ANKRD17: variants seen among roughly 807,000 people sequenced by gnomAD.
The protein encoded by ANKRD17 is ankyrin repeat domain 17.
A neutral mutation model predicts 229.7 loss-of-function variants in ANKRD17; 19 were observed. That is an observed-to-expected ratio of 0.08 (90% CI 0.06 to 0.12). The LOEUF is 0.12. Among genes scored for constraint, ANKRD17 ranks in the 10% least tolerant of loss-of-function variants. The probability of loss-of-function intolerance (pLI) is 1.00; values close to 1 mark genes in which losing one functional copy is unlikely to be tolerated. For synonymous variants in ANKRD17, 1,112 were observed against 1,146.1 expected (o/e 0.97, Z 0.60); for missense variants, 2,176 against 3,176.8 (o/e 0.68, Z 7.57).
chr4:73,202,218 A>G (rs1466827600), intron 1 of ANKRD17, among the ~76,000 whole-genome samples: 2 of 150,976 alleles, frequency 1.3e-5, no homozygotes, highest in Non-Finnish European at 3.0e-5. Context: ...GGCATAAAAG[A>G]GTATGACCCA....
intron 24 of ANKRD17, chr4:73,113,033 C>A: frequency 9.6e-7 from 1 of 1,042,976 alleles, no homozygotes; most frequent in Non-Finnish European, 1.2e-6. Flanking sequence ...GGTGATGTGC[C>A]CGCCTCGGCC....
At chr4:73,172,551 A>T (rs1734180907) in intron 2 of ANKRD17, among the ~76,000 whole-genome samples, 1 of 152,248 alleles carries the variant, frequency 6.6e-6, no homozygotes, top group South Asian at 2.1e-4. Context: ...CGCTTACCTT[A>T]AGTAGAAGCA....
At position 73,075,681 on chromosome 4, in the gene ANKRD17, A is replaced by G. The variant is rs1720950855; in HGVS notation, c.*550T>C. Reference sequence around the variant, plus strand: ...CTTTATACTTAAATTACACCAGTAGAAAAGTTATGCTTATTAATAGTTTAA... The same window carrying G: ...CTTTATACTTAAATTACACCAGTAGGAAAGTTATGCTTATTAATAGTTTAA... On this transcript the variant is annotated 3_prime_UTR_variant, in exon 34 of 34. Coordinates refer to ENST00000358602, the MANE Select transcript of ANKRD17 (RefSeq NM_032217.5). The G allele has an allele frequency of 6.6e-6, 1 of 152,662 alleles. No individual in the cohort carries two copies. Among genetic ancestry groups the G allele is most frequent in the South Asian group, 2.1e-4 (1 of 4,834 alleles). 9.5% of individuals were successfully genotyped at this position (152,662 alleles called of 1,614,324 possible).
At chr4:73,200,071 G>A (rs760092955) in intron 1 of ANKRD17, among the ~76,000 whole-genome samples, 3 of 152,068 alleles carry the variant, frequency 2.0e-5, no homozygotes, top group South Asian at 2.1e-4. Flanking sequence ...AATTATACAG[G>A]AGGAAACATT....
At chr4:73,078,513 G>A (rs1417699753) in intron 31 of ANKRD17, 129 bp downstream of exon 31, 1 of 1,154,566 alleles carries the variant, frequency 8.7e-7, no homozygotes, top group East Asian at 2.7e-5. Context: ...ACTCCAGCCT[G>A]AGCAACAAGT....
At chr4:73,235,158 T>G (rs1743388583) in intron 1 of ANKRD17, among the ~76,000 whole-genome samples, 1 of 152,164 alleles carries the variant, frequency 6.6e-6, no homozygotes, top group Admixed American at 6.5e-5. Flanking sequence ...ACATCATCCC[T>G]CTTTTTTATG....
intron 1 of ANKRD17, among the ~76,000 whole-genome samples, chr4:73,193,114 A>C (rs144479338): frequency 1.3e-5 from 2 of 152,200 alleles, no homozygotes; most frequent in Non-Finnish European, 2.9e-5. Flanking sequence ...TGCCTCTAAC[A>C]ATCATGACTT....
At chr4:73,207,637 C>A (rs1474633517) in intron 1 of ANKRD17, among the ~76,000 whole-genome samples, 1 of 152,132 alleles carries the variant, frequency 6.6e-6, no homozygotes, top group African/African-American at 2.4e-5. Flanking sequence ...ATTTCACATA[C>A]TGTACACTTC....
At position 73,247,910 on chromosome 4, in the gene ANKRD17, G is replaced by A. The variant is rs1485956251; in HGVS notation, c.393+10366C>T. 7.0e-5 allele frequency among the ~76,000 whole-genome samples: 10 copies of A among 142,612 alleles called. No homozygotes were observed. The East Asian group carries it at 1.8e-3, about 25-fold the overall frequency. 93.6% of individuals were successfully genotyped at this position (142,612 alleles called of 152,430 possible). On this transcript the variant is annotated intron_variant, in intron 1 of 33. Transcript: ENST00000358602. ...TAATTCTGAAGACAGAATAATAGGT[G>A]ATTTTTCTATTCTTTAGATCTTTTT...
At chr4:73,087,717 T>C (rs939624649) in intron 29 of ANKRD17, among the ~76,000 whole-genome samples, 11 of 152,210 alleles carry the variant, frequency 7.2e-5, no homozygotes, top group African/African-American at 2.4e-4. Flanking sequence ...CTCATTTTAT[T>C]GGGTGCAGTA....
At chr4:73,089,154 C>T (rs1199475761) in intron 29 of ANKRD17, among the ~76,000 whole-genome samples, 1 of 151,488 alleles carries the variant, frequency 6.6e-6, no homozygotes, top group Non-Finnish European at 1.5e-5. Flanking sequence ...CCTTCCACCT[C>T]AGCCCCCCAA....
At chr4:73,250,024 TATAC>T (rs1360054154) in intron 1 of ANKRD17, among the ~76,000 whole-genome samples, 1 of 152,176 alleles carries the variant, frequency 6.6e-6, no homozygotes, top group Non-Finnish European at 1.5e-5. Context: ...CAGCCAAAAA[TATAC>T]ATAATCTATT....
chr4:73,089,969 T>A (rs1244268380), intron 29 of ANKRD17, among the ~76,000 whole-genome samples: 1 of 152,190 alleles, frequency 6.6e-6, no homozygotes, highest in Non-Finnish European at 1.5e-5. Flanking sequence ...ACTGTGTAGC[T>A]CTATTTTTAA....
At chr4:73,130,976 T>C (rs561705450) in intron 16 of ANKRD17, among the ~76,000 whole-genome samples, 1 of 152,148 alleles carries the variant, frequency 6.6e-6, no homozygotes, top group South Asian at 2.1e-4. Context: ...AGTTTGGTTA[T>C]ACCAAACTTA....
intron 30 of ANKRD17, among the ~76,000 whole-genome samples, chr4:73,081,174 T>C (rs1721521391): frequency 6.6e-6 from 1 of 152,238 alleles, no homozygotes; most frequent in Non-Finnish European, 1.5e-5. Flanking sequence ...ACATATGAGC[T>C]GAGCCAATCA....
intron 16 of ANKRD17, among the ~76,000 whole-genome samples, chr4:73,130,404 A>C (rs1209911367): frequency 6.6e-6 from 1 of 152,136 alleles, no homozygotes; most frequent in Non-Finnish European, 1.5e-5. Flanking sequence ...CTGTGATTAA[A>C]CTGTTCTTTA....
intron 16 of ANKRD17, among the ~76,000 whole-genome samples, chr4:73,129,408 AC>A (rs1292713422): frequency 6.6e-6 from 1 of 152,212 alleles, no homozygotes; most frequent in African/African-American, 2.4e-5. Context: ...GTGAAAAAGC[AC>A]TGAACTGTGT....
intron 26 of ANKRD17, among the ~76,000 whole-genome samples, chr4:73,097,725 C>T (rs557815170): frequency 2.0e-5 from 3 of 152,272 alleles, no homozygotes; most frequent in Admixed American, 2.0e-4. Context: ...AAGCATGAGC[C>T]ATTGCACCCA....
At chr4:73,137,567 A>G (rs1729067567) in intron 15 of ANKRD17, among the ~76,000 whole-genome samples, 1 of 152,160 alleles carries the variant, frequency 6.6e-6, no homozygotes, top group South Asian at 2.1e-4. Flanking sequence ...GAAATTTAAG[A>G]TTGAGGCTGC....
Sources: gnomAD v4.1 joint callset for allele counts (sites outside exome capture counted in the v4.1 genomes callset) on GRCh38, gnomAD v4.1.1 for gene constraint, MANE v1.5 for transcripts, NCBI Gene and HGNC (gene_info 2026-07-23, HGNC 2026-07-21) for gene names.